The following PDE1C variants were observed in gnomAD, a reference collection of about 807,000 sequenced individuals.
PDE1C encodes the protein dual specificity calcium/calmodulin-dependent 3',5'-cyclic nucleotide phosphodiesterase 1C.
A neutral mutation model predicts 93.1 loss-of-function variants in PDE1C; 62 were observed. The ratio of observed to expected loss-of-function variants is 0.67; its 90% CI spans 0.54 to 0.82. PDE1C has a LOEUF of 0.82. Ranked by LOEUF, PDE1C falls within the 40% of genes least tolerant of loss-of-function variation. The pLI, the probability that PDE1C is intolerant of heterozygous loss-of-function variation, is 0.00. For synonymous variants in PDE1C, 325 were observed against 310.1 expected, an observed-to-expected ratio of 1.05 and a Z score of -0.50; for missense variants, 742 against 884.6, an observed-to-expected ratio of 0.84 and a Z score of 2.04.
At chr7:32,345,288 G>A (rs1013184622) in intron 1 of PDE1C, among the ~76,000 whole-genome samples, 1 of 152,174 alleles carries the variant, frequency 6.6e-6, no homozygotes, top group South Asian at 2.1e-4. Context: ...AGGAAAGCAG[G>A]GAGAGGCTGC....
At chr7:31,814,966 A>T (rs773658833) in intron 15 of PDE1C, among the ~76,000 whole-genome samples, 1 of 151,890 alleles carries the variant, frequency 6.6e-6, no homozygotes, top group Non-Finnish European at 1.5e-5. Context: ...GAGACTCAGA[A>T]CTTCCTGCCT....
chr7:31,732,642 G>T, the PDE1C span, among the ~76,000 whole-genome samples: 2 of 17,986 alleles, frequency 1.1e-4, no homozygotes, highest in African/African-American at 1.7e-4. Context: ...CTCTTTCTGT[G>T]TGTGTGTGTG....
At chr7:32,053,933 G>C (rs752425031) in intron 1 of PDE1C, among the ~76,000 whole-genome samples, 2 of 151,870 alleles carry the variant, frequency 1.3e-5, no homozygotes, top group Non-Finnish European at 2.9e-5. Context: ...AGGTAGTCTT[G>C]ATTGCTGGGT....
chr7:32,264,744 G>A lies in PDE1C; in HGVS notation c.85+33907C>T, dbSNP rs75833209. Among the ~76,000 whole-genome samples, 873 of 152,294 alleles carry A rather than the reference G, an allele frequency of 5.7e-3. 3 individuals are homozygous for A. Among genetic ancestry groups the A allele is most frequent in the African/African-American group, 0.02 (837 of 41,558 alleles). ...TTGACCCTTTCTTCTATCTGTCCTG[G>A]AGTGATGAATCAAGATGTCCCATGC... On this transcript the variant is annotated intron_variant, in intron 1 of 18. Coordinates refer to the PDE1C transcript ENST00000396193.
chr7:31,981,808 A>G (rs1020942365), intron 2 of PDE1C, among the ~76,000 whole-genome samples: 2 of 152,248 alleles, frequency 1.3e-5, no homozygotes, highest in African/African-American at 4.8e-5. Context: ...TTTGAATATT[A>G]TCAAAGCAAT....
intron 1 of PDE1C, among the ~76,000 whole-genome samples, chr7:32,330,773 A>G (rs1412489063): frequency 2.0e-5 from 3 of 152,198 alleles, no homozygotes; most frequent in Non-Finnish European, 4.4e-5. Flanking sequence ...TCGATCCCCA[A>G]GCTTGTTCTG....
intron 2 of PDE1C, among the ~76,000 whole-genome samples, chr7:31,946,950 T>C (rs146503525): frequency 3.3e-5 from 5 of 152,286 alleles, no homozygotes; most frequent in Non-Finnish European, 5.9e-5. Context: ...CGAGCCTTCA[T>C]TGTGTGTGAG....
At chr7:31,696,911 A>G in the PDE1C span, 4 of 1,579,264 alleles carry the variant, frequency 2.5e-6, no homozygotes, top group African/African-American at 2.7e-5. Flanking sequence ...GTCCTCATAT[A>G]TTAGGATATA....
chr7:31,876,368 T>A (rs926066929), intron 5 of PDE1C, among the ~76,000 whole-genome samples: 4 of 152,202 alleles, frequency 2.6e-5, no homozygotes, highest in Non-Finnish European at 4.4e-5. Context: ...TGTGTGCATC[T>A]GAGATTTTCT....
At chr7:32,081,470 T>C (rs1796657902) in intron 3 of PDE1C, among the ~76,000 whole-genome samples, 1 of 152,244 alleles carries the variant, frequency 6.6e-6, no homozygotes, top group African/African-American at 2.4e-5. Flanking sequence ...CACTGCATCC[T>C]GCCCTGAAAT....
At chr7:32,053,911 G>A (rs567787428) in intron 1 of PDE1C, among the ~76,000 whole-genome samples, 1 of 152,108 alleles carries the variant, frequency 6.6e-6, no homozygotes, top group South Asian at 2.1e-4. Context: ...TACAAGGGAT[G>A]CTTTGTGAAA....
At chr7:31,806,308 G>A (rs1246847194) in intron 16 of PDE1C, among the ~76,000 whole-genome samples, 3 of 151,936 alleles carry the variant, frequency 2.0e-5, no homozygotes, top group African/African-American at 7.2e-5. Flanking sequence ...ATTATGGCAA[G>A]TCCATGAGGC....
At chr7:32,219,849 T>C (rs1048264770) in intron 1 of PDE1C, among the ~76,000 whole-genome samples, 5 of 152,238 alleles carry the variant, frequency 3.3e-5, no homozygotes, top group Non-Finnish European at 7.3e-5. Flanking sequence ...AATCTCATCT[T>C]GAGTTGCAGC....
the PDE1C span, among the ~76,000 whole-genome samples, chr7:31,626,651 G>A: frequency 2.0e-5 from 3 of 152,186 alleles, no homozygotes; most frequent in East Asian, 1.9e-4. Flanking sequence ...ACACCATGCT[G>A]TAAAGGAGGA....
At chr7:31,627,680 A>AAAAAG in the PDE1C span, among the ~76,000 whole-genome samples, 1 of 150,894 alleles carries the variant, frequency 6.6e-6, no homozygotes, top group Admixed American at 6.6e-5. Context: ...AAAAAAAAAA[A>AAAAAG]AAATTCAGTA....
intron 2 of PDE1C, among the ~76,000 whole-genome samples, chr7:32,012,481 C>T (rs1297639008): frequency 2.7e-4 from 41 of 152,302 alleles, no homozygotes. Flanking sequence ...CTAGGGATTA[C>T]ATTTCAACAT....
chr7:32,112,611 C>T (rs975350961), intron 3 of PDE1C, among the ~76,000 whole-genome samples: 1 of 133,680 alleles, frequency 7.5e-6, no homozygotes, highest in African/African-American at 2.8e-5. Context: ...CACATGCCAC[C>T]ACATCTAGCT....
intron 1 of PDE1C, among the ~76,000 whole-genome samples, chr7:32,069,494 G>T (rs1795774786): frequency 6.6e-6 from 1 of 152,126 alleles, no homozygotes; most frequent in Admixed American, 6.5e-5. Context: ...TGAGGAGCAA[G>T]CTGTGAATAT....
chr7:32,404,576 A>G (rs1562709640), intron 1 of PDE1C, among the ~76,000 whole-genome samples: 1 of 151,820 alleles, frequency 6.6e-6, no homozygotes, highest in East Asian at 1.9e-4. Context: ...GCCCAGGCTG[A>G]TTTCAAATTC....
Sources: gnomAD v4.1 joint callset for allele counts (sites outside exome capture counted in the v4.1 genomes callset) on GRCh38, gnomAD v4.1.1 for gene constraint, MANE v1.5 for transcripts, NCBI Gene and HGNC (gene_info 2026-07-23, HGNC 2026-07-21) for gene names.